MFSD6: variants seen among roughly 807,000 people sequenced by gnomAD.
MFSD6 encodes major facilitator superfamily domain containing 6.
In MFSD6, 26 loss-of-function variants were observed where a neutral mutation model predicts 56.3. That is an observed-to-expected ratio of 0.46 (90% CI 0.34 to 0.64). MFSD6 has a LOEUF of 0.64. MFSD6 is among the 30% of genes least tolerant of loss of function. The pLI, the probability that MFSD6 is intolerant of heterozygous loss-of-function variation, is 0.01. For missense variants in MFSD6, 750 were observed against 986.2 expected (o/e 0.76, Z 3.21); for synonymous variants, 331 against 366.9 (o/e 0.90, Z 1.12).
In MFSD6 at chr2:190,416,851, C is replaced by G. The variant is rs771926020; in HGVS notation, c.-54+1438C>G. On this transcript the variant is annotated intron_variant, in intron 2 of 7. Transcript: ENST00000392328. The surrounding 1 kb of genome is among the most constrained non-coding windows in gnomAD (Gnocchi z 4.1). The stretch of plus-strand genomic sequence containing the variant: ...TAAAGAGGCACTGATTTATCAAAGC[C>G]AGGGGGATGCAACTGGGACTTCTTT... Among the ~76,000 whole-genome samples the G allele has an allele frequency of 6.6e-6, 1 of 152,024 alleles. No individual in the cohort carries two copies. The highest frequency in any genetic ancestry group is 1.5e-5 in the Non-Finnish European group (1 of 67,988).
In MFSD6 at chr2:190,461,961, T is replaced by A. The variant is rs1687352409; in HGVS notation, c.1533-7797T>A. ...TTTCCCATGCCTAATTTGACAGTAC[T>A]TTTTTCCCTACCACTTAAATCTTTA... On this transcript the variant is annotated intron_variant, in intron 3 of 7. Coordinates refer to ENST00000392328, the MANE Select transcript of MFSD6 (RefSeq NM_017694.4). This position sits in a 1 kb window ranked among gnomAD's most constrained non-coding sequence, Gnocchi z 5.5. Among the ~76,000 whole-genome samples, 1 of 152,112 alleles carries A rather than the reference T, an allele frequency of 6.6e-6. No individual in the cohort carries two copies. The highest frequency in any genetic ancestry group is 6.5e-5 in the Admixed American group (1 of 15,270).
In MFSD6 at chr2:190,490,440, G is replaced by A. The variant is rs1382193994; in HGVS notation, c.1891+574G>A. 6.6e-6 allele frequency among the ~76,000 whole-genome samples: 1 copy of A among 151,972 alleles called. No individual in the cohort carries two copies. Among genetic ancestry groups the A allele is most frequent in the Non-Finnish European group, 1.5e-5 (1 of 67,988 alleles). On this transcript the variant is annotated intron_variant, in intron 6 of 7. Coordinates refer to ENST00000392328, the MANE Select transcript of MFSD6 (RefSeq NM_017694.4). The surrounding 1 kb of genome is among the most constrained non-coding windows in gnomAD (Gnocchi z 4.5). The stretch of plus-strand genomic sequence containing the variant: ...TAGCCGGGCACGGTGGTGGGCGCCT[G>A]TAATCCCAGCTACTCAGGAGGCTGA...
intron 3 of MFSD6, among the ~76,000 whole-genome samples, chr2:190,464,507 A>G (rs1687495698): frequency 6.6e-6 from 1 of 152,138 alleles, no homozygotes; most frequent in South Asian, 2.1e-4. Flanking sequence ...TTCTTCAAAA[A>G]TCCTTAGACT....
At chr2:190,411,872 G>T (rs377056700) in intron 1 of MFSD6, 16 of 985,222 alleles carry the variant, frequency 1.6e-5, no homozygotes, top group Middle Eastern at 1.0e-3. Flanking sequence ...TTGATTAGGG[G>T]TGATAAGAAT....
rs1203037386 is a variant in MFSD6, at chr2:190,489,434, G to A, written c.1793-334G>A. 6.6e-6 allele frequency among the ~76,000 whole-genome samples: 1 copy of A among 152,182 alleles called. No homozygotes were observed. Among genetic ancestry groups the A allele is most frequent in the Non-Finnish European group, 1.5e-5 (1 of 68,030 alleles). Reference sequence around the variant, plus strand: ...CTGCTGTTCCAACTACAGATTAATAGTGCTGTTAGTTAATAATTGGGTAAA... The same window carrying A: ...CTGCTGTTCCAACTACAGATTAATAATGCTGTTAGTTAATAATTGGGTAAA... On this transcript the variant is annotated intron_variant, in intron 5 of 7. Transcript: ENST00000392328. This position sits in a 1 kb window ranked among gnomAD's most constrained non-coding sequence, Gnocchi z 6.6.
In MFSD6 at chr2:190,462,060, G is replaced by A. The variant is rs866129561; in HGVS notation, c.1533-7698G>A. ...ATCTACAGAAATATACTCCTTAGGCGATGAAGGGCCCTATCATCGCAGATT... is the reference window on the plus strand; with the variant it reads ...ATCTACAGAAATATACTCCTTAGGCAATGAAGGGCCCTATCATCGCAGATT... On this transcript the variant is annotated intron_variant, in intron 3 of 7. Coordinates refer to ENST00000392328, the MANE Select transcript of MFSD6 (RefSeq NM_017694.4). The surrounding 1 kb of genome is among the most constrained non-coding windows in gnomAD (Gnocchi z 5.7). Among the ~76,000 whole-genome samples, 3 of 152,142 alleles carry A rather than the reference G, an allele frequency of 2.0e-5. No homozygotes were observed. The highest frequency in any genetic ancestry group is 1.9e-4 in the East Asian group (1 of 5,184).
rs1685712126 is a variant in MFSD6, at chr2:190,424,027, A to G, written c.-54+8614A>G. On this transcript the variant is annotated intron_variant, in intron 2 of 7. Transcript: ENST00000392328. This position sits in a 1 kb window ranked among gnomAD's most constrained non-coding sequence, Gnocchi z 5.9. ...GTTTGGAGAATTCTTTACATATTCT[A>G]GAAACTAATCCTTCGCTGGATTTGT... 2.0e-5 allele frequency among the ~76,000 whole-genome samples: 3 copies of G among 152,244 alleles called. No homozygotes were observed. Among genetic ancestry groups the G allele is most frequent in the African/African-American group, 7.2e-5 (3 of 41,470 alleles).
chr2:190,411,243 T>C (rs909357184), intron 1 of MFSD6: 4 of 600,756 alleles, frequency 6.7e-6, no homozygotes, highest in Admixed American at 6.8e-5. Flanking sequence ...TACTGCAACC[T>C]CTGCCTCCTG....
At chr2:190,428,282 A>G (rs1685847292) in intron 2 of MFSD6, among the ~76,000 whole-genome samples, 2 of 152,230 alleles carry the variant, frequency 1.3e-5, no homozygotes, top group Admixed American at 6.5e-5. Context: ...AGCCATTAAA[A>G]TTATTCTGCA....
At chr2:190,493,780 CA>C (rs1299212835) in intron 6 of MFSD6, among the ~76,000 whole-genome samples, 2 of 152,050 alleles carry the variant, frequency 1.3e-5, no homozygotes, top group African/African-American at 2.4e-5. Context: ...ATTGGGTCAA[CA>C]GCAAAATCAA....
At position 190,471,027 on chromosome 2, in the gene MFSD6, T is replaced by G. The variant is rs1370592724; in HGVS notation, c.1630+1172T>G. 6.6e-6 allele frequency among the ~76,000 whole-genome samples: 1 copy of G among 152,206 alleles called. No individual in the cohort carries two copies. The highest frequency in any genetic ancestry group is 1.5e-5 in the Non-Finnish European group (1 of 68,044). Reference sequence around the variant, plus strand: ...TTGGTCTTTAATAATAAGAAATTATTGTTTCTAATAATTAGAACTCTGGAA... The same window carrying G: ...TTGGTCTTTAATAATAAGAAATTATGGTTTCTAATAATTAGAACTCTGGAA... On this transcript the variant is annotated intron_variant, in intron 4 of 7. Coordinates refer to ENST00000392328, the MANE Select transcript of MFSD6 (RefSeq NM_017694.4). The surrounding 1 kb of genome is among the most constrained non-coding windows in gnomAD (Gnocchi z 4.7).
In MFSD6 at chr2:190,426,924, G is replaced by A. The variant is rs1487066410; in HGVS notation, c.-53-9053G>A. On this transcript the variant is annotated intron_variant, in intron 2 of 7. Coordinates refer to ENST00000392328, the MANE Select transcript of MFSD6 (RefSeq NM_017694.4). This position sits in a 1 kb window ranked among gnomAD's most constrained non-coding sequence, Gnocchi z 4.7. ...TGCTGCTTTATTACTGCCAGCTGGAGGTAGAAGTCCAAGTTCCTCACTCAG... is the reference window on the plus strand; with the variant it reads ...TGCTGCTTTATTACTGCCAGCTGGAAGTAGAAGTCCAAGTTCCTCACTCAG... Among the ~76,000 whole-genome samples, 1 of 152,238 alleles carries A rather than the reference G, an allele frequency of 6.6e-6. No homozygotes were observed. Among genetic ancestry groups the A allele is most frequent in the East Asian group, 1.9e-4 (1 of 5,200 alleles).
rs993235752 is a variant in MFSD6, at chr2:190,457,420, C to T, written c.1533-12338C>T. Among the ~76,000 whole-genome samples, 5 of 152,196 alleles carry T rather than the reference C, an allele frequency of 3.3e-5. No individual in the cohort carries two copies. The highest frequency in any genetic ancestry group is 6.5e-5 in the Admixed American group (1 of 15,280). On this transcript the variant is annotated intron_variant, in intron 3 of 7. Transcript: ENST00000392328. The surrounding 1 kb of genome is among the most constrained non-coding windows in gnomAD (Gnocchi z 5.1). ...ACTTCTTCCTGTTGGCCCCCTACCC[C>T]CAGGACTCAGACTTTGCGTGTTTTT... is the stretch of plus-strand genomic sequence containing the variant.
chr2:190,442,817 C>T (rs1686430449), intron 3 of MFSD6: 1 of 151,990 alleles, frequency 6.6e-6, no homozygotes. Context: ...AAGTCTGAAG[C>T]TTATAGGAGA....
Position 190,482,903 on chromosome 2 carries a change from T to TTTTTTTTTTTTTTTTTTTTTTTTTTTTG in MFSD6, c.1631-5754_1631-5753insTTTTTTTTTTTTTTTTTTTTTTTTTTTG, listed in dbSNP as rs544591315. Among the ~76,000 whole-genome samples, 17 of 86,226 alleles carry TTTTTTTTTTTTTTTTTTTTTTTTTTTTG rather than the reference T, an allele frequency of 2.0e-4. 8 individuals carry two copies. Among genetic ancestry groups the TTTTTTTTTTTTTTTTTTTTTTTTTTTTG allele is most frequent in the East Asian group, 8.2e-4 (2 of 2,442 alleles). The allele number at this position is 86,226 out of a possible 152,430, so 56.6% of individuals were successfully genotyped here. ...TTTTTTTTTTTTTTTTTTTTTTTTT[T>TTTTTTTTTTTTTTTTTTTTTTTTTTTTG]AGACGGAGTCTCACTCTGTCGCCCA... is the stretch of plus-strand genomic sequence containing the variant. On this transcript the variant is annotated intron_variant, in intron 4 of 7. Coordinates refer to ENST00000392328, the MANE Select transcript of MFSD6 (RefSeq NM_017694.4).
At chr2:190,460,923 G>A (rs563927618) in intron 3 of MFSD6, among the ~76,000 whole-genome samples, 2 of 152,278 alleles carry the variant, frequency 1.3e-5, no homozygotes, top group East Asian at 1.9e-4. Context: ...ACTGTGTTAC[G>A]TAGACTTTCT....
At chr2:190,453,759 A>G (rs1686869982) in intron 3 of MFSD6, among the ~76,000 whole-genome samples, 1 of 152,232 alleles carries the variant, frequency 6.6e-6, no homozygotes, top group South Asian at 2.1e-4. Flanking sequence ...GGAGAAGCAC[A>G]GAACGGAAGA....
rs1689191264 is a variant in MFSD6 at position 190,489,286 on chromosome 2, A to G, written c.1792+468A>G. Among the ~76,000 whole-genome samples the G allele has an allele frequency of 6.6e-6, 1 of 152,202 alleles. No homozygotes were observed. Among genetic ancestry groups the G allele is most frequent in the African/African-American group, 2.4e-5 (1 of 41,442 alleles). On this transcript the variant is annotated intron_variant, in intron 5 of 7. Coordinates refer to ENST00000392328, the MANE Select transcript of MFSD6 (RefSeq NM_017694.4). The surrounding 1 kb of genome is among the most constrained non-coding windows in gnomAD (Gnocchi z 6.6). ...TCTGTCTTGTCATATCTTCCTTATT[A>G]GAAACATAGGAGCTGAAATAGGAAT...
chr2:190,451,352 C>T lies in MFSD6; in HGVS notation c.1532+13791C>T, dbSNP rs528803571. 4.0e-4 allele frequency among the ~76,000 whole-genome samples: 61 copies of T among 152,270 alleles called. No individual in the cohort carries two copies. Among genetic ancestry groups the T allele is most frequent in the African/African-American group, 1.3e-3 (56 of 41,550 alleles). On this transcript the variant is annotated intron_variant, in intron 3 of 7. Coordinates refer to ENST00000392328, the MANE Select transcript of MFSD6 (RefSeq NM_017694.4). This position sits in a 1 kb window ranked among gnomAD's most constrained non-coding sequence, Gnocchi z 5.0. The stretch of plus-strand genomic sequence containing the variant: ...TAATGCTAGCAAGCACATAATAAGT[C>T]CTCAACTATGAACAGTAGGTAGTAT...
Sources: allele counts gnomAD v4.1 joint callset (sites outside exome capture counted in the v4.1 genomes callset), GRCh38; gene constraint gnomAD v4.1.1; non-coding constraint Gnocchi (gnomAD v3.1); transcripts MANE v1.5; gene names NCBI Gene and HGNC (gene_info 2026-07-23, HGNC 2026-07-21).